The following DACH1 variants were observed in gnomAD, a reference collection of about 807,000 sequenced individuals.
DACH1 encodes dachshund homolog 1.
A neutral mutation model predicts 54.2 loss-of-function variants in DACH1; 12 were observed. The observed-to-expected ratio is 0.22, with a 90% CI of 0.14 to 0.36. The LOEUF (loss-of-function observed/expected upper bound fraction) is 0.36. Ranked by LOEUF, DACH1 falls within the 10% of genes least tolerant of loss-of-function variation. The pLI is 1.00. For missense variants in DACH1, 805 were observed against 929.8 expected, an observed-to-expected ratio of 0.87 and a Z score of 1.75; for synonymous variants, 386 against 366.2, an observed-to-expected ratio of 1.05 and a Z score of -0.62.
chr13:71,717,666 G>A (rs2138793826), intron 1 of DACH1, among the ~76,000 whole-genome samples: 1 of 151,752 alleles, frequency 6.6e-6, no homozygotes, highest in South Asian at 2.1e-4. Context: ...TCAGGGAGAG[G>A]AAAATATAAA....
chr13:71,680,383 C>T (rs768131827), intron 2 of DACH1, among the ~76,000 whole-genome samples: 2 of 152,134 alleles, frequency 1.3e-5, no homozygotes, highest in Non-Finnish European at 2.9e-5. Flanking sequence ...AGATGGGTCA[C>T]TTGAGTCCAA....
intron 1 of DACH1, among the ~76,000 whole-genome samples, chr13:71,799,637 C>T (rs1887208016): frequency 6.6e-6 from 1 of 152,026 alleles, no homozygotes; most frequent in Non-Finnish European, 1.5e-5. Flanking sequence ...TCATTCGGCA[C>T]CCTGACTGGC....
intron 1 of DACH1, among the ~76,000 whole-genome samples, chr13:71,726,641 A>G (rs894856182): frequency 6.6e-6 from 1 of 152,050 alleles, no homozygotes; most frequent in Non-Finnish European, 1.5e-5. Flanking sequence ...ATTTTAGTAT[A>G]CAAGTCTCCT....
intron 1 of DACH1, among the ~76,000 whole-genome samples, chr13:71,688,472 G>T (rs1881300911): frequency 1.3e-5 from 2 of 152,078 alleles, no homozygotes; most frequent in Admixed American, 1.3e-4. Context: ...AGCTTTGAGG[G>T]ATACACTTTT....
intron 8 of DACH1, among the ~76,000 whole-genome samples, chr13:71,477,693 T>A (rs1877696897): frequency 6.6e-6 from 1 of 152,120 alleles, no homozygotes; most frequent in Admixed American, 6.6e-5. Context: ...TCTGAAATAT[T>A]TATTTGGATT....
chr13:71,860,393 C>T (rs1304183211), intron 1 of DACH1, among the ~76,000 whole-genome samples: 2 of 150,648 alleles, frequency 1.3e-5, no homozygotes, highest in Non-Finnish European at 1.5e-5. Flanking sequence ...TTTTTAAATA[C>T]CCAAGCCAAT....
chr13:71,849,798 T>C (rs901981607), intron 1 of DACH1, among the ~76,000 whole-genome samples: 4 of 152,230 alleles, frequency 2.6e-5, no homozygotes, highest in Non-Finnish European at 5.9e-5. Flanking sequence ...ATCAAATTCA[T>C]TCATTTAGCT....
At chr13:71,500,828 G>A (rs1025637651) in intron 6 of DACH1, among the ~76,000 whole-genome samples, 2 of 151,978 alleles carry the variant, frequency 1.3e-5, no homozygotes, top group Admixed American at 6.6e-5. Context: ...GGCCTAGGGA[G>A]TCATGCCCTA....
intron 1 of DACH1, among the ~76,000 whole-genome samples, chr13:71,803,030 T>C (rs1314715217): frequency 6.6e-6 from 1 of 152,202 alleles, no homozygotes; most frequent in African/African-American, 2.4e-5. Context: ...ATGTTTGTCA[T>C]AATAACTTGT....
At chr13:71,651,680 C>CTGTATA (rs57138100) in intron 2 of DACH1, among the ~76,000 whole-genome samples, 3,819 of 121,788 alleles carry the variant, frequency 0.031, 50 homozygotes, top group East Asian at 0.083. Flanking sequence ...GTATCTGTAT[C>CTGTATA]TGTATATGTA....
At chr13:71,749,237 C>A (rs1383067807) in intron 1 of DACH1, among the ~76,000 whole-genome samples, 1 of 152,012 alleles carries the variant, frequency 6.6e-6, no homozygotes, top group Non-Finnish European at 1.5e-5. Flanking sequence ...ACCGCCTCGG[C>A]CTCCCAAAGT....
intron 4 of DACH1, among the ~76,000 whole-genome samples, chr13:71,571,838 C>G (rs985332845): frequency 1.3e-5 from 2 of 151,612 alleles, no homozygotes; most frequent in African/African-American, 4.9e-5. Context: ...TGGGTTCACG[C>G]CATTCTCCTG....
intron 2 of DACH1, among the ~76,000 whole-genome samples, chr13:71,663,558 G>A (rs1879643811): frequency 6.6e-6 from 1 of 151,928 alleles, no homozygotes. Flanking sequence ...GCACTGAAAT[G>A]TAGAGAAACT....
chr13:71,527,923 AC>A (rs1323468269), intron 6 of DACH1, among the ~76,000 whole-genome samples: 5 of 152,070 alleles, frequency 3.3e-5, no homozygotes, highest in Admixed American at 2.0e-4. Context: ...ATTTGTTAAC[AC>A]TTTTTTTTTT....
intron 3 of DACH1, among the ~76,000 whole-genome samples, chr13:71,577,213 G>A (rs755864027): frequency 2.6e-4 from 39 of 152,166 alleles, no homozygotes; most frequent in Middle Eastern, 3.4e-3. Flanking sequence ...CTTCTCCTCA[G>A]TTCTTTACCA....
At chr13:71,820,604 C>T (rs1295677050) in intron 1 of DACH1, among the ~76,000 whole-genome samples, 2 of 151,998 alleles carry the variant, frequency 1.3e-5, no homozygotes, top group South Asian at 2.1e-4. Flanking sequence ...AAACAGAATT[C>T]GGTATATGTC....
chr13:71,775,945 T>A (rs1167725909), intron 1 of DACH1, among the ~76,000 whole-genome samples: 3 of 152,126 alleles, frequency 2.0e-5, no homozygotes, highest in African/African-American at 7.2e-5. Context: ...TTGGTTTAGT[T>A]TTATTGGTTA....
intron 6 of DACH1, among the ~76,000 whole-genome samples, chr13:71,527,070 T>TG (rs1882020258): frequency 6.6e-6 from 1 of 151,964 alleles, no homozygotes; most frequent in African/African-American, 2.4e-5. Flanking sequence ...AATATAAATT[T>TG]TCATGTGTAT....
At chr13:71,795,508 A>C (rs1469029423) in intron 1 of DACH1, among the ~76,000 whole-genome samples, 1 of 152,132 alleles carries the variant, frequency 6.6e-6, no homozygotes, top group Non-Finnish European at 1.5e-5. Context: ...ATCCCACAGC[A>C]TTCTCATTTT....
Sources: allele counts gnomAD v4.1 joint callset (sites outside exome capture counted in the v4.1 genomes callset), GRCh38; gene constraint gnomAD v4.1.1; transcripts MANE v1.5; gene names NCBI Gene and HGNC (gene_info 2026-07-23, HGNC 2026-07-21).